Variants in YWHAZ observed in about 807,000 individuals in gnomAD.
The protein encoded by YWHAZ is tyrosine 3-monooxygenase/tryptophan 5-monooxygenase activation protein zeta.
For synonymous variants in YWHAZ, 87 were observed against 103.6 expected (o/e 0.84, Z 0.97); for missense variants, 79 against 284.8 (o/e 0.28, Z 5.20).
chr8:100,941,809 A>C (rs1380520279), intron 2 of YWHAZ, among the ~76,000 whole-genome samples: 1 of 11,552 alleles, frequency 8.7e-5, no homozygotes. Context: ...ACAAAAAACG[A>C]CAAAAAAAAA....
intron 2 of YWHAZ, among the ~76,000 whole-genome samples, chr8:100,933,662 T>C (rs921540713): frequency 1.3e-5 from 2 of 152,184 alleles, no homozygotes; most frequent in African/African-American, 4.8e-5. Context: ...GTGTGTAGTG[T>C]AGAGCTTTTT....
rs1258903048 is a variant in YWHAZ at position 100,919,852 on chromosome 8, G to C, written c.*841C>G. 7.5e-6 allele frequency: 1 copy of C among 133,956 alleles called. No individual in the cohort carries two copies. The highest frequency in any genetic ancestry group is 1.6e-5 in the Non-Finnish European group (1 of 64,080). 8.3% of individuals were successfully genotyped at this position (133,956 alleles called of 1,614,324 possible). On this transcript the variant is annotated 3_prime_UTR_variant, in exon 6 of 6. Transcript: ENST00000395958. ...CCTGTTAACTATTTTTACAGCACAT[G>C]CATGTTAGGCAAGTATCAAAAAAAA...
rs1813214042 is a variant in YWHAZ, at chr8:100,924,303, A to G, written c.419-5T>C. 1.2e-6 allele frequency: 2 copies of G among 1,610,962 alleles called. No individual in the cohort carries two copies. Among genetic ancestry groups the G allele is most frequent in the Non-Finnish European group, 1.7e-6 (2 of 1,179,266 alleles). ...GTTGTGACTGATCGACAATCCCTGG[A>G]TAAGACACACCAAAACGTACTGAGA... On this transcript the variant is annotated splice_polypyrimidine_tract_variant and splice_region_variant and intron_variant, in intron 3 of 5. Coordinates refer to ENST00000395958, the MANE Select transcript of YWHAZ (RefSeq NM_145690.3). This position sits in a 1 kb window ranked among gnomAD's most constrained non-coding sequence, Gnocchi z 5.7.
chr8:100,926,561 G>A (rs951631310), intron 2 of YWHAZ, among the ~76,000 whole-genome samples: 3 of 152,234 alleles, frequency 2.0e-5, no homozygotes, highest in African/African-American at 7.2e-5. Context: ...AGAGGCTGCA[G>A]TGAGCCGAGG....
intron 2 of YWHAZ, among the ~76,000 whole-genome samples, chr8:100,936,912 C>T (rs1419478619): frequency 6.6e-6 from 1 of 152,044 alleles, no homozygotes; most frequent in Non-Finnish European, 1.5e-5. Flanking sequence ...TCATTAGAGG[C>T]AAAGACTAAA....
chr8:100,924,174 A>C lies in YWHAZ; in HGVS notation c.543T>G (p.Ile181Met). 6.2e-7 allele frequency: 1 copy of C among 1,613,632 alleles called. No individual in the cohort carries two copies. Among genetic ancestry groups the C allele is most frequent in the Non-Finnish European group, 8.5e-7 (1 of 1,179,830 alleles). Residue 181 changes from isoleucine to methionine, a missense_variant, in exon 4 of 6, where the codon ATT (isoleucine) becomes ATG (methionine). Physicochemically the swap from Ile to Met is conservative, Grantham distance 10. Coordinates refer to ENST00000395958, the MANE Select transcript of YWHAZ (RefSeq NM_145690.3). The surrounding 1 kb of genome is among the most constrained non-coding windows in gnomAD (Gnocchi z 5.7). ...AGCAGGCTTTCTCTGGGGAGTTCAGAATCTCATAATAGAACACAGAGAAGT... is the reference window on the plus strand; with the variant it reads ...AGCAGGCTTTCTCTGGGGAGTTCAGCATCTCATAATAGAACACAGAGAAGT... Reference protein sequence around the residue: ...ALNFSVFYYEILNSPEKACSL... With the variant: ...ALNFSVFYYEMLNSPEKACSL...
intron 2 of YWHAZ, among the ~76,000 whole-genome samples, chr8:100,945,294 A>C (rs17463451): frequency 0.046 from 6,972 of 152,326 alleles, 171 homozygotes; most frequent in Non-Finnish European, 0.057. Context: ...TTAAATGGTT[A>C]AACAATAGAT....
chr8:100,926,226 A>G (rs1329260029), intron 2 of YWHAZ, among the ~76,000 whole-genome samples: 2 of 149,666 alleles, frequency 1.3e-5, no homozygotes, highest in African/African-American at 4.9e-5. Context: ...TTTACAACTC[A>G]AGCTACAGAT....
chr8:100,926,968 G>A (rs1209946835), intron 2 of YWHAZ, among the ~76,000 whole-genome samples: 2 of 152,096 alleles, frequency 1.3e-5, no homozygotes, highest in African/African-American at 2.4e-5. Context: ...GTGGCTTTGG[G>A]GTGAGTCTGG....
Position 100,918,408 on chromosome 8 carries a change from T to TATATATATATATA in YWHAZ, c.*2284_*2285insTATATATATATAT, listed in dbSNP as rs1554611374. The TATATATATATATA allele has an allele frequency of 2.9e-4, 12 of 41,886 alleles. No homozygotes were observed. In the South Asian group the frequency reaches 3.8e-3, roughly 13 times the overall value. 2.6% of individuals were successfully genotyped at this position (41,886 alleles called of 1,614,324 possible). A position where few individuals can be genotyped will look rare whatever the true frequency, so the allele number is the denominator to read the frequency against. ...AGTCTAGCTATAAAATATAATTACT[T>TATATATATATATA]TATATATATATATATATATATATAT... is the stretch of plus-strand genomic sequence containing the variant. On this transcript the variant is annotated 3_prime_UTR_variant, in exon 6 of 6. Transcript: ENST00000395958.
At chr8:100,951,646 G>T in intron 1 of YWHAZ, 1 of 985,318 alleles carries the variant, frequency 1.0e-6, no homozygotes, top group African/African-American at 1.7e-5. Context: ...GATCTCGCGT[G>T]TGGGCGCCCT....
chr8:100,952,842 G>T (rs546524735), upstream of YWHAZ: 5 of 1,000,268 alleles, frequency 5.0e-6, no homozygotes, highest in Non-Finnish European at 1.2e-6. Context: ...CCGCCGCCGC[G>T]GCTTTACCTG....
In YWHAZ at chr8:100,918,678, CAG is replaced by C. The variant is rs1157914267; in HGVS notation, c.*2013_*2014del. 1.3e-5 allele frequency: 2 copies of C among 151,846 alleles called. No individual in the cohort carries two copies. The highest frequency in any genetic ancestry group is 3.0e-5 in the Non-Finnish European group (2 of 67,776). 9.4% of individuals were successfully genotyped at this position (151,846 alleles called of 1,614,324 possible). On this transcript the variant is annotated 3_prime_UTR_variant, in exon 6 of 6. Coordinates refer to ENST00000395958, the MANE Select transcript of YWHAZ (RefSeq NM_145690.3). ...GGTCATAATAAAACAAGCAACAAAA[CAG>C]TGTTTGGGATTTCAGTTTCTCACCC...
At chr8:100,949,029 G>A in intron 1 of YWHAZ, 129 bp from the exon 2 acceptor site, 6 of 1,091,736 alleles carry the variant, frequency 5.5e-6, no homozygotes, top group African/African-American at 3.2e-5. Context: ...TTCACATGAG[G>A]AATTAAAATG....
intron 2 of YWHAZ, among the ~76,000 whole-genome samples, chr8:100,939,218 G>T (rs982892873): frequency 6.6e-6 from 1 of 151,918 alleles, no homozygotes; most frequent in Non-Finnish European, 1.5e-5. Context: ...CATCTGTTCT[G>T]TTCTAAAACT....
chr8:100,926,821 T>C (rs964320838), intron 2 of YWHAZ, among the ~76,000 whole-genome samples: 3 of 151,860 alleles, frequency 2.0e-5, no homozygotes, highest in Non-Finnish European at 2.9e-5. Flanking sequence ...TGGAAGACAC[T>C]TGCATTTAAA....
intron 5 of YWHAZ, chr8:100,923,695 GCACACTTTT>G: frequency 3.4e-6 from 1 of 298,034 alleles, no homozygotes; most frequent in African/African-American, 2.2e-5. Flanking sequence ...TAGAGTCTCA[GCACACTTTT>G]GATACTAACA....
intron 2 of YWHAZ, among the ~76,000 whole-genome samples, chr8:100,947,374 A>G (rs924816767): frequency 6.6e-6 from 1 of 152,184 alleles, no homozygotes; most frequent in Non-Finnish European, 1.5e-5. Flanking sequence ...CAACTTAGAT[A>G]CAAATAGTAG....
chr8:100,924,834 A>C lies in YWHAZ; in HGVS notation c.418+82T>G. 1 of 1,564,992 alleles carries C rather than the reference A, an allele frequency of 6.4e-7. No homozygotes were observed. The highest frequency in any genetic ancestry group is 8.7e-7 in the Non-Finnish European group (1 of 1,152,330). On this transcript the variant is annotated intron_variant, in intron 3 of 5. Coordinates refer to ENST00000395958, the MANE Select transcript of YWHAZ (RefSeq NM_145690.3). This position sits in a 1 kb window ranked among gnomAD's most constrained non-coding sequence, Gnocchi z 5.7. The stretch of plus-strand genomic sequence containing the variant: ...TTCGGCACTCTAAGCAATTCAAAAC[A>C]AGACATTATGTACGCTTCAGAGACT...
Sources: gnomAD v4.1 joint callset for allele counts (sites outside exome capture counted in the v4.1 genomes callset) on GRCh38, gnomAD v4.1.1 for gene constraint, Gnocchi (gnomAD v3.1) non-coding constraint, MANE v1.5 for transcripts, NCBI Gene and HGNC (gene_info 2026-07-23, HGNC 2026-07-21) for gene names.